The following SLC10A7 variants were observed in gnomAD, a reference collection of about 807,000 sequenced individuals.
SLC10A7 encodes the protein solute carrier family 10 member 7.
SLC10A7 carries 29 observed loss-of-function variants against 43.2 expected under a neutral mutation model. The observed-to-expected ratio is 0.67, with a 90% CI of 0.50 to 0.92. SLC10A7 has a LOEUF of 0.92. Among genes scored for constraint, SLC10A7 ranks in the 40% least tolerant of loss-of-function variants. The pLI is 0.00. For synonymous variants in SLC10A7, 152 were observed against 144.8 expected (o/e 1.05, Z -0.35); for missense variants, 295 against 403.2 (o/e 0.73, Z 2.30).
At chr4:146,442,237 T>TA (rs1553973108) in intron 5 of SLC10A7, 2 of 819,846 alleles carry the variant, frequency 2.4e-6, no homozygotes, top group African/African-American at 1.9e-5. Context: ...TTTTGAATCT[T>TA]TATATATATA....
chr4:146,513,097 A>G (rs1170784319), intron 2 of SLC10A7, among the ~76,000 whole-genome samples: 3 of 152,188 alleles, frequency 2.0e-5, no homozygotes, highest in East Asian at 1.9e-4. Context: ...AATTGTTAAC[A>G]TTGTTTGTCT....
At chr4:146,433,448 C>A (rs1200257908) in intron 5 of SLC10A7, among the ~76,000 whole-genome samples, 2 of 152,014 alleles carry the variant, frequency 1.3e-5, no homozygotes, top group Admixed American at 1.3e-4. Flanking sequence ...ACAAGATCAA[C>A]TTCTCAGCCA....
intron 5 of SLC10A7, among the ~76,000 whole-genome samples, chr4:146,374,595 T>A (rs1002865566): frequency 3.5e-5 from 5 of 141,514 alleles, no homozygotes; most frequent in East Asian, 4.1e-4. Flanking sequence ...TCAAAAAAAA[T>A]ATATACATAT....
At chr4:146,371,376 AC>A (rs1736766852) in intron 5 of SLC10A7, among the ~76,000 whole-genome samples, 1 of 148,638 alleles carries the variant, frequency 6.7e-6, no homozygotes, top group Non-Finnish European at 1.5e-5. Context: ...TTCCTTGTAT[AC>A]AAAGTCAAGA....
At chr4:146,513,329 G>A (rs566725979) in intron 2 of SLC10A7, among the ~76,000 whole-genome samples, 2 of 152,124 alleles carry the variant, frequency 1.3e-5, no homozygotes, top group South Asian at 4.1e-4. Context: ...TTACATGTGT[G>A]TATGTGTATA....
intron 5 of SLC10A7, among the ~76,000 whole-genome samples, chr4:146,350,058 T>A (rs1209802435): frequency 6.6e-6 from 1 of 152,050 alleles, no homozygotes; most frequent in Admixed American, 6.6e-5. Flanking sequence ...ACAGCTCCCG[T>A]CTACAGCTCC....
At chr4:146,499,487 C>T (rs1560969135) in intron 4 of SLC10A7, among the ~76,000 whole-genome samples, 1 of 152,128 alleles carries the variant, frequency 6.6e-6, no homozygotes, top group Non-Finnish European at 1.5e-5. Context: ...ACATTTACTT[C>T]AACAAAAGTC....
intron 5 of SLC10A7, among the ~76,000 whole-genome samples, chr4:146,346,169 T>A (rs551500207): frequency 6.6e-6 from 1 of 152,286 alleles, no homozygotes; most frequent in Admixed American, 6.5e-5. Context: ...GACTGATTTA[T>A]AAACTAGGAA....
chr4:146,371,557 T>A (rs1033058620), intron 5 of SLC10A7, among the ~76,000 whole-genome samples: 1 of 152,166 alleles, frequency 6.6e-6, no homozygotes, highest in Non-Finnish European at 1.5e-5. Flanking sequence ...TTCTAAAAAG[T>A]ACGCGATGTG....
intron 4 of SLC10A7, among the ~76,000 whole-genome samples, chr4:146,483,202 C>T (rs1256829684): frequency 6.6e-6 from 1 of 152,134 alleles, no homozygotes; most frequent in Non-Finnish European, 1.5e-5. Context: ...TACTCCAACA[C>T]TGTAGTGATG....
chr4:146,350,920 C>A (rs1309080817), intron 5 of SLC10A7, among the ~76,000 whole-genome samples: 5 of 144,652 alleles, frequency 3.5e-5, no homozygotes, highest in Non-Finnish European at 7.5e-5. Flanking sequence ...GATAAAACCA[C>A]AAAGATGGGG....
chr4:146,512,055 C>T (rs1737531347), intron 2 of SLC10A7, among the ~76,000 whole-genome samples: 1 of 133,154 alleles, frequency 7.5e-6, no homozygotes, highest in Non-Finnish European at 1.5e-5. Context: ...CTCACTGCAA[C>T]CACTGCCTCC....
intron 5 of SLC10A7, among the ~76,000 whole-genome samples, chr4:146,382,883 C>T (rs1197746701): frequency 6.6e-6 from 1 of 151,038 alleles, no homozygotes; most frequent in East Asian, 1.9e-4. Flanking sequence ...ATGATGGGCC[C>T]AGGGTATCTT....
chr4:146,353,351 T>C (rs1735289247), intron 5 of SLC10A7, among the ~76,000 whole-genome samples: 1 of 122,344 alleles, frequency 8.2e-6, no homozygotes, highest in African/African-American at 3.3e-5. Context: ...AAGTTGAATC[T>C]CTGAATAGAC....
intron 5 of SLC10A7, among the ~76,000 whole-genome samples, chr4:146,429,366 T>C (rs1729604967): frequency 6.6e-6 from 1 of 152,186 alleles, no homozygotes; most frequent in African/African-American, 2.4e-5. Flanking sequence ...GAGATTAAAA[T>C]AGCATTCATT....
chr4:146,491,672 G>GAGGAAGGGA (rs1735430313), intron 4 of SLC10A7, among the ~76,000 whole-genome samples: 1 of 143,934 alleles, frequency 6.9e-6, no homozygotes, highest in Admixed American at 7.1e-5. Context: ...GAGAGGGAGG[G>GAGGAAGGGA]AGGAAGGGAA....
intron 5 of SLC10A7, among the ~76,000 whole-genome samples, chr4:146,412,468 T>C (rs1728266332): frequency 6.6e-6 from 1 of 152,124 alleles, no homozygotes. Flanking sequence ...CTTGTTATTG[T>C]TATAGTTTGT....
intron 10 of SLC10A7, among the ~76,000 whole-genome samples, chr4:146,263,727 A>T (rs932725723): frequency 7.9e-5 from 12 of 152,254 alleles, no homozygotes; most frequent in Admixed American, 7.2e-4. Context: ...TTACAATTTT[A>T]CAGGGACTTT....
intron 4 of SLC10A7, among the ~76,000 whole-genome samples, chr4:146,502,353 T>G (rs569423979): frequency 1.6e-4 from 24 of 152,272 alleles, no homozygotes; most frequent in African/African-American, 5.1e-4. Context: ...GGTAATTTAT[T>G]TAAAAGTTAA....
Sources: allele counts gnomAD v4.1 joint callset (sites outside exome capture counted in the v4.1 genomes callset), GRCh38; gene constraint gnomAD v4.1.1; transcripts MANE v1.5; gene names NCBI Gene and HGNC (gene_info 2026-07-23, HGNC 2026-07-21).